Variants in SYNPR observed in about 807,000 individuals in gnomAD.
SYNPR encodes synaptoporin.
Under a neutral mutation model 32.9 loss-of-function variants are expected in SYNPR, and 23 were observed. That is an observed-to-expected ratio of 0.70 (90% CI 0.50 to 0.99). SYNPR has a LOEUF of 0.99. Ranked by LOEUF, SYNPR falls within the 50% of genes least tolerant of loss-of-function variation. The pLI is 0.00. For synonymous variants in SYNPR, 146 were observed against 135.9 expected (o/e 1.07, Z -0.52); for missense variants, 318 against 349.3 (o/e 0.91, Z 0.71).
rs557357993 is a variant in SYNPR at position 63,443,163 on chromosome 3, G to A, written c.85-37669G>A. On this transcript the variant is annotated intron_variant, in intron 2 of 5. Transcript: ENST00000478300. ...CAGCCACCTCCCCACCAAGCAGGCA[G>A]CGTTCACCAGAGGGGAGTATCAGGT... 5 of 1,188,930 alleles carry A rather than the reference G, an allele frequency of 4.2e-6. No individual in the cohort carries two copies. In the African/African-American group the frequency reaches 7.8e-5, roughly 18 times the overall value. The allele number at this position is 1,188,930 out of a possible 1,614,324, so 73.6% of individuals were successfully genotyped here.
At chr3:63,438,464 C>T (rs114863565) in intron 2 of SYNPR, among the ~76,000 whole-genome samples, 2,202 of 152,290 alleles carry the variant, frequency 0.014, 50 homozygotes, top group African/African-American at 0.045. Flanking sequence ...GCCTGAGCTA[C>T]TGTACCTCTC....
At chr3:63,241,660 A>G (rs1156898238) in intron 1 of SYNPR, among the ~76,000 whole-genome samples, 1 of 152,028 alleles carries the variant, frequency 6.6e-6, no homozygotes, top group Non-Finnish European at 1.5e-5. Context: ...CAATCATCTC[A>G]TAAGTGTAAG....
chr3:63,207,707 G>T, the SYNPR span, among the ~76,000 whole-genome samples: 22,071 of 151,960 alleles, frequency 0.15, 2,114 homozygotes, highest in Non-Finnish European at 0.21. Context: ...AGAATGAAAA[G>T]GAAAGTCATC....
intron 2 of SYNPR, among the ~76,000 whole-genome samples, chr3:63,319,066 G>C (rs1363030929): frequency 6.6e-6 from 1 of 151,952 alleles, no homozygotes; most frequent in Admixed American, 6.6e-5. Context: ...CCTGGCTCTG[G>C]GCTGGTACTG....
chr3:63,303,976 C>T (rs2086882524), intron 2 of SYNPR, among the ~76,000 whole-genome samples: 1 of 151,990 alleles, frequency 6.6e-6, no homozygotes, highest in African/African-American at 2.4e-5. Context: ...TTGCCAAGGG[C>T]TGTAGAACGG....
chr3:63,268,801 A>C (rs2086511529), intron 3 of SYNPR, among the ~76,000 whole-genome samples: 1 of 152,100 alleles, frequency 6.6e-6, no homozygotes, highest in Non-Finnish European at 1.5e-5. Flanking sequence ...AATTTAGAAA[A>C]CTTAATATCA....
intron 2 of SYNPR, among the ~76,000 whole-genome samples, chr3:63,446,239 C>G (rs1264756994): frequency 6.6e-6 from 1 of 150,990 alleles, no homozygotes; most frequent in East Asian, 2.0e-4. Flanking sequence ...TTTTGGAGAG[C>G]TTTACAAAAT....
At chr3:63,291,840 C>T (rs555703414) in intron 2 of SYNPR, among the ~76,000 whole-genome samples, 1 of 152,036 alleles carries the variant, frequency 6.6e-6, no homozygotes, top group African/African-American at 2.4e-5. Context: ...CTCTCTCTCT[C>T]TCTCTCTCTC....
At chr3:63,229,301 C>A (rs1360425849) in intron 1 of SYNPR, among the ~76,000 whole-genome samples, 1 of 152,002 alleles carries the variant, frequency 6.6e-6, no homozygotes, top group Non-Finnish European at 1.5e-5. Context: ...GAGCAATTCA[C>A]ATTATCATTG....
chr3:63,277,061 G>A (rs1213457194), upstream of SYNPR, among the ~76,000 whole-genome samples: 3 of 152,220 alleles, frequency 2.0e-5, no homozygotes, highest in Admixed American at 6.5e-5. Context: ...ACTACTTGAT[G>A]TAGTAGCTAA....
intron 4 of SYNPR, among the ~76,000 whole-genome samples, chr3:63,563,163 T>C (rs1333592247): frequency 1.3e-5 from 2 of 152,194 alleles, no homozygotes; most frequent in Admixed American, 1.3e-4. Flanking sequence ...TTCTATCCCA[T>C]GCACCTTCTT....
intron 3 of SYNPR, among the ~76,000 whole-genome samples, chr3:63,523,408 C>T (rs1559525654): frequency 1.3e-5 from 2 of 152,146 alleles, no homozygotes; most frequent in Non-Finnish European, 2.9e-5. Context: ...GGGTCACCGC[C>T]AGTTGGCTGC....
chr3:63,347,546 G>T (rs144116020), intron 2 of SYNPR, among the ~76,000 whole-genome samples: 1 of 152,084 alleles, frequency 6.6e-6, no homozygotes, highest in Non-Finnish European at 1.5e-5. Context: ...ATATTATGTC[G>T]TGCTGAAGTC....
At chr3:63,340,231 G>C (rs1393835601) in intron 2 of SYNPR, among the ~76,000 whole-genome samples, 3 of 151,906 alleles carry the variant, frequency 2.0e-5, no homozygotes, top group African/African-American at 4.8e-5. Flanking sequence ...TATCTATGCT[G>C]TTTTCATTTT....
chr3:63,452,041 TTC>T lies in SYNPR; in HGVS notation c.85-28787_85-28786del, dbSNP rs1398578031. On this transcript the variant is annotated intron_variant, in intron 2 of 5. Transcript: ENST00000478300. Reference sequence around the variant, plus strand: ...AGACCAGTTCCCTGATATAATTTTTTTCTCTTTCTCCCACTGCCTTCACACTC... The same window carrying T: ...AGACCAGTTCCCTGATATAATTTTTTTCTTTCTCCCACTGCCTTCACACTC... 5 of 700,984 alleles carry T rather than the reference TTC, an allele frequency of 7.1e-6. No individual in the cohort carries two copies. In the African/African-American group the frequency reaches 8.8e-5, roughly 12 times the overall value. 43.4% of individuals were successfully genotyped at this position (700,984 alleles called of 1,614,324 possible). A position where few individuals can be genotyped will look rare whatever the true frequency, so the allele number is the denominator to read the frequency against.
intron 3 of SYNPR, among the ~76,000 whole-genome samples, chr3:63,528,827 T>A (rs1702062622): frequency 6.6e-6 from 1 of 152,140 alleles, no homozygotes; most frequent in African/African-American, 2.4e-5. Context: ...TTTGGTGCAA[T>A]TCTGTTTCCT....
At chr3:63,226,909 C>T (rs1452685049), upstream of SYNPR, among the ~76,000 whole-genome samples, 1 of 152,046 alleles carries the variant, frequency 6.6e-6, no homozygotes, top group Non-Finnish European at 1.5e-5. Flanking sequence ...ATAATGTATT[C>T]CTTGAATACC....
At chr3:63,250,565 G>C (rs1351493323) in intron 1 of SYNPR, among the ~76,000 whole-genome samples, 1 of 152,078 alleles carries the variant, frequency 6.6e-6, no homozygotes, top group Non-Finnish European at 1.5e-5. Flanking sequence ...AAGGTGACAT[G>C]GTCAACATGT....
chr3:63,432,937 A>C (rs936285677), intron 2 of SYNPR, among the ~76,000 whole-genome samples: 23 of 152,144 alleles, frequency 1.5e-4, no homozygotes, highest in African/African-American at 5.3e-4. Context: ...CCAGATTTCT[A>C]AGTACTCTAC....
Sources: gnomAD v4.1 joint callset for allele counts (sites outside exome capture counted in the v4.1 genomes callset) on GRCh38, gnomAD v4.1.1 for gene constraint, MANE v1.5 for transcripts, NCBI Gene and HGNC (gene_info 2026-07-23, HGNC 2026-07-21) for gene names.